BANK1: variants seen among roughly 807,000 people sequenced by gnomAD.
BANK1 encodes B-cell scaffold protein with ankyrin repeats.
A neutral mutation model predicts 94.5 loss-of-function variants in BANK1; 95 were observed. The observed-to-expected ratio is 1.00, with a 90% confidence interval of 0.85 to 1.19. The LOEUF (loss-of-function observed/expected upper bound fraction) is 1.19. BANK1 is among the 50% of genes most tolerant of loss of function. The pLI, the probability that BANK1 is intolerant of heterozygous loss-of-function variation, is 0.00. For synonymous variants in BANK1, 334 were observed against 308.4 expected (o/e 1.08, Z -0.87); for missense variants, 987 against 932.2 (o/e 1.06, Z -0.77).
chr4:101,813,105 A>G (rs1018255457), intron 1 of BANK1, among the ~76,000 whole-genome samples: 1 of 152,132 alleles, frequency 6.6e-6, no homozygotes, highest in African/African-American at 2.4e-5. Flanking sequence ...GATAAACATC[A>G]TATTTGTATT....
intron 1 of BANK1, among the ~76,000 whole-genome samples, chr4:101,802,747 A>G (rs1401293161): frequency 6.6e-6 from 1 of 152,182 alleles, no homozygotes; most frequent in East Asian, 1.9e-4. Flanking sequence ...AGATGAAAAA[A>G]CAAATAGTAT....
At chr4:101,911,984 C>G (rs927384557) in intron 6 of BANK1, among the ~76,000 whole-genome samples, 1 of 152,110 alleles carries the variant, frequency 6.6e-6, no homozygotes, top group African/African-American at 2.4e-5. Flanking sequence ...GAAATAGGCT[C>G]TCTAATATCC....
At chr4:101,883,287 T>A (rs1016529412) in intron 5 of BANK1, among the ~76,000 whole-genome samples, 4 of 152,180 alleles carry the variant, frequency 2.6e-5, no homozygotes, top group African/African-American at 9.7e-5. Flanking sequence ...AATAATAAAT[T>A]GGTTAAATTT....
chr4:101,969,065 A>G (rs1560658358), intron 7 of BANK1, among the ~76,000 whole-genome samples: 1 of 152,006 alleles, frequency 6.6e-6, no homozygotes, highest in African/African-American at 2.4e-5. Context: ...TCTCTACCAT[A>G]GACTCTTCTC....
At chr4:102,026,202 ATTAGGT>A (rs1184251153) in intron 9 of BANK1, among the ~76,000 whole-genome samples, 1 of 152,210 alleles carries the variant, frequency 6.6e-6, no homozygotes, top group Admixed American at 6.5e-5. Context: ...GAGCTTCCAC[ATTAGGT>A]TTATCTGCCT....
intron 11 of BANK1, among the ~76,000 whole-genome samples, chr4:102,054,818 A>G (rs1360546834): frequency 6.6e-6 from 1 of 152,088 alleles, no homozygotes; most frequent in African/African-American, 2.4e-5. Context: ...TTTTAGTCTC[A>G]ACTTCTCCTC....
intron 7 of BANK1, among the ~76,000 whole-genome samples, chr4:102,018,946 T>C (rs1285167500): frequency 6.6e-6 from 1 of 151,700 alleles, no homozygotes; most frequent in Non-Finnish European, 1.5e-5. Flanking sequence ...GCCTCCCGAG[T>C]AGCTGGGATT....
rs62321727 is a variant in BANK1 at position 101,855,151 on chromosome 4, C to T, written c.586C>T (p.Pro196Ser). 6.2e-7 allele frequency: 1 copy of T among 1,613,424 alleles called. No homozygotes were observed. The highest frequency in any genetic ancestry group is 8.5e-7 in the Non-Finnish European group (1 of 1,179,532). ...ATCAGAAGCTTCAAGAAACACCATACCACTAGCAGTGGTGCTTCCCACTGA... is the reference window on the plus strand; with the variant it reads ...ATCAGAAGCTTCAAGAAACACCATATCACTAGCAGTGGTGCTTCCCACTGA... The part of the protein sequence containing the change: ...ELSEASRNTI[P>S]LAVVLPTEIP... The change falls in exon 3 of 17, where the codon CCA becomes TCA. Residue 196 changes from proline (P) to serine (S), a missense_variant. Transcript: ENST00000322953.
rs13145804 is a variant in BANK1 at position 101,855,249 on chromosome 4, T to G, written c.624+60T>G. 0.074 allele frequency: 110,984 copies of G among 1,500,644 alleles called. 5,690 individuals are homozygous for G. Among genetic ancestry groups the G allele is most frequent in the Admixed American group, 0.23 (12,424 of 54,050 alleles). The allele number at this position is 1,500,644 out of a possible 1,614,324, so 93.0% of individuals were successfully genotyped here. A position where few individuals can be genotyped will look rare whatever the true frequency, so the allele number is the denominator to read the frequency against. On this transcript the variant is annotated intron_variant, in intron 3 of 16. Transcript: ENST00000322953. ...ATTGTGTTATGGTGGTGGTGGTGGT[T>G]GTTGTTGTTTGGAGAGACAGGGTCT...
At chr4:101,857,913 G>T (rs1052357343) in intron 3 of BANK1, among the ~76,000 whole-genome samples, 1 of 152,098 alleles carries the variant, frequency 6.6e-6, no homozygotes, top group Non-Finnish European at 1.5e-5. Context: ...TATGGGCCAA[G>T]ACATTTGTTT....
intron 1 of BANK1, among the ~76,000 whole-genome samples, chr4:101,825,291 C>G (rs1726321128): frequency 1.3e-5 from 2 of 151,992 alleles, no homozygotes; most frequent in African/African-American, 4.8e-5. Flanking sequence ...GGGAGAATTA[C>G]TTAGGGTTGA....
chr4:102,021,439 T>C (rs916490222), intron 7 of BANK1, 75 bp from the exon 8 acceptor site: 1 of 549,084 alleles, frequency 1.8e-6, no homozygotes, highest in Non-Finnish European at 3.1e-6. Context: ...ACAAAAACTA[T>C]TTCTTATTTG....
At chr4:101,861,358 T>C (rs1727869141) in intron 3 of BANK1, among the ~76,000 whole-genome samples, 1 of 152,156 alleles carries the variant, frequency 6.6e-6, no homozygotes, top group Non-Finnish European at 1.5e-5. Context: ...TTTAAGAGAA[T>C]CTTGAAATTA....
intron 6 of BANK1, among the ~76,000 whole-genome samples, chr4:101,903,668 C>G (rs773198281): frequency 6.6e-6 from 1 of 152,174 alleles, no homozygotes; most frequent in Non-Finnish European, 1.5e-5. Context: ...AGGATTTCCT[C>G]TAAGGATAGA....
intron 7 of BANK1, among the ~76,000 whole-genome samples, chr4:101,949,659 C>T (rs1724063105): frequency 1.3e-5 from 2 of 152,048 alleles, no homozygotes; most frequent in Admixed American, 1.3e-4. Flanking sequence ...ACAGAATTAT[C>T]CCTTAGTATG....
intron 7 of BANK1, among the ~76,000 whole-genome samples, chr4:101,942,030 G>T (rs949254485): frequency 5.9e-5 from 9 of 151,884 alleles, no homozygotes; most frequent in Middle Eastern, 3.4e-3. Context: ...AAGAGAGTAA[G>T]AACAATAGCT....
At chr4:101,905,412 G>C (rs1222655188) in intron 6 of BANK1, among the ~76,000 whole-genome samples, 3 of 152,160 alleles carry the variant, frequency 2.0e-5, no homozygotes, top group Non-Finnish European at 2.9e-5. Context: ...GTTTAGAATG[G>C]GACGGCCCCC....
intron 7 of BANK1, among the ~76,000 whole-genome samples, chr4:102,012,637 GTAT>G (rs1427073617): frequency 4.6e-5 from 7 of 152,102 alleles, no homozygotes; most frequent in African/African-American, 1.7e-4. Flanking sequence ...TGTTCAAGTA[GTAT>G]TATATGTTTG....
chr4:102,067,194 T>TA (rs1728623155), intron 13 of BANK1, among the ~76,000 whole-genome samples: 1 of 151,922 alleles, frequency 6.6e-6, no homozygotes, highest in Non-Finnish European at 1.5e-5. Context: ...AATAGATTAT[T>TA]AAAAAACTAT....
Sources: gnomAD v4.1 joint callset for allele counts (sites outside exome capture counted in the v4.1 genomes callset) on GRCh38, gnomAD v4.1.1 for gene constraint, MANE v1.5 for transcripts, NCBI Gene and HGNC (gene_info 2026-07-23, HGNC 2026-07-21) for gene names.